The following GLG1 variants were observed in gnomAD, a reference collection of about 807,000 sequenced individuals.
GLG1 encodes the protein golgi glycoprotein 1, also known as Golgi apparatus protein 1.
Under a neutral mutation model 160.5 loss-of-function variants are expected in GLG1, and 38 were observed. That is an observed-to-expected ratio of 0.24 (90% confidence interval 0.18 to 0.31). The LOEUF (loss-of-function observed/expected upper bound fraction) is 0.31. GLG1 is among the 10% of genes least tolerant of loss of function. The probability of loss-of-function intolerance (pLI) is 1.00; values close to 1 mark genes in which losing one functional copy is unlikely to be tolerated. For missense variants in GLG1, 1,373 were observed against 1,505.2 expected, an observed-to-expected ratio of 0.91 and a Z score of 1.45; for synonymous variants, 644 against 543.4, an observed-to-expected ratio of 1.19 and a Z score of -2.57.
chr16:74,545,204 A>G (rs2143672504), intron 1 of GLG1, among the ~76,000 whole-genome samples: 1 of 152,078 alleles, frequency 6.6e-6, no homozygotes, highest in Middle Eastern at 3.4e-3. Flanking sequence ...TTGTTGAGAC[A>G]GGGTCTCGCT....
At chr16:74,548,651 C>T (rs1175672375) in intron 1 of GLG1, among the ~76,000 whole-genome samples, 2 of 94,602 alleles carry the variant, frequency 2.1e-5, no homozygotes, top group Non-Finnish European at 4.4e-5. Flanking sequence ...ATTTAAATCT[C>T]AATTCTCTAA....
chr16:74,508,965 A>T (rs1260071729), intron 2 of GLG1, 40 bp from the exon 3 acceptor site: 2 of 824,532 alleles, frequency 2.4e-6, no homozygotes, highest in Non-Finnish European at 4.1e-6. Flanking sequence ...GAAAAACTCC[A>T]GTTAGAACAG....
chr16:74,559,317 A>G (rs539885170), intron 1 of GLG1, among the ~76,000 whole-genome samples: 107 of 151,380 alleles, frequency 7.1e-4, no homozygotes, highest in African/African-American at 2.4e-3. Flanking sequence ...GTGGTGTGCA[A>G]CTGTAATCCA....
rs201693911 is a variant in GLG1 at position 74,529,809 on chromosome 16, G to GTTTTTTTTTTTT, written c.471+2311_471+2312insAAAAAAAAAAAA. On this transcript the variant is annotated intron_variant, in intron 2 of 25. Transcript: ENST00000422840. ...CTTCCTATTCCTTGGCTCTTTGAGA[G>GTTTTTTTTTTTT]TTCTTTTTTTTTTTTTTTTTTTTTT... 5.8e-5 allele frequency among the ~76,000 whole-genome samples: 6 copies of GTTTTTTTTTTTT among 104,104 alleles called. 1 individual carries two copies. The highest frequency in any genetic ancestry group is 3.7e-5 in the African/African-American group (1 of 27,080). 68.3% of individuals were successfully genotyped at this position (104,104 alleles called of 152,430 possible).
At chr16:74,549,213 C>T (rs888855911) in intron 1 of GLG1, among the ~76,000 whole-genome samples, 5 of 152,192 alleles carry the variant, frequency 3.3e-5, no homozygotes, top group South Asian at 2.1e-4. Flanking sequence ...GATATGACCA[C>T]AGTATGCTTT....
chr16:74,513,264 C>G (rs1597291960), intron 2 of GLG1, among the ~76,000 whole-genome samples: 1 of 152,082 alleles, frequency 6.6e-6, no homozygotes, highest in South Asian at 2.1e-4. Flanking sequence ...ATGGGATATA[C>G]TTGAGATACT....
At chr16:74,517,345 T>G (rs906432029) in intron 2 of GLG1, among the ~76,000 whole-genome samples, 3 of 152,160 alleles carry the variant, frequency 2.0e-5, no homozygotes, top group African/African-American at 7.2e-5. Context: ...AAAAAGCTTA[T>G]CCACCACCAT....
At chr16:74,592,515 C>T (rs1285160052) in intron 1 of GLG1, among the ~76,000 whole-genome samples, 1 of 152,012 alleles carries the variant, frequency 6.6e-6, no homozygotes, top group African/African-American at 2.4e-5. Flanking sequence ...TGAAGCATTC[C>T]AGTTTATTTC....
At chr16:74,526,569 C>G (rs2017340695) in intron 2 of GLG1, among the ~76,000 whole-genome samples, 1 of 150,594 alleles carries the variant, frequency 6.6e-6, no homozygotes, top group Non-Finnish European at 1.5e-5. Context: ...ACAAAAAATA[C>G]AAAAATTAGC....
chr16:74,568,292 G>T, intron 1 of GLG1, among the ~76,000 whole-genome samples: 1 of 152,128 alleles, frequency 6.6e-6, no homozygotes, highest in East Asian at 1.9e-4. Flanking sequence ...CCTGAAGCTA[G>T]TTTGGAAAGG....
intron 1 of GLG1, among the ~76,000 whole-genome samples, chr16:74,595,255 G>A (rs1958271858): frequency 6.7e-6 from 1 of 148,214 alleles, no homozygotes; most frequent in South Asian, 2.2e-4. Flanking sequence ...GTACTGAAGG[G>A]CTCTGGGTGT....
chr16:74,592,471 T>C (rs1958207599), intron 1 of GLG1, among the ~76,000 whole-genome samples: 1 of 152,154 alleles, frequency 6.6e-6, no homozygotes. Flanking sequence ...CAAAGCTTTA[T>C]GGAAGAAGCT....
At chr16:74,514,532 G>C (rs1004120867) in intron 2 of GLG1, among the ~76,000 whole-genome samples, 2 of 152,110 alleles carry the variant, frequency 1.3e-5, no homozygotes, top group Non-Finnish European at 2.9e-5. Flanking sequence ...TTCATATCCA[G>C]CCAAACTAAG....
At chr16:74,599,385 T>A (rs1338874693) in intron 1 of GLG1, among the ~76,000 whole-genome samples, 1 of 152,124 alleles carries the variant, frequency 6.6e-6, no homozygotes, top group African/African-American at 2.4e-5. Context: ...TTCCCACAGA[T>A]CACAAAATCA....
intron 3 of GLG1, among the ~76,000 whole-genome samples, chr16:74,506,274 A>G (rs2016598886): frequency 6.6e-6 from 1 of 151,760 alleles, no homozygotes; most frequent in Admixed American, 6.6e-5. Flanking sequence ...TTGAGCAACC[A>G]AAAGTTTTAA....
chr16:74,522,933 T>C (rs902168028), intron 2 of GLG1, among the ~76,000 whole-genome samples: 1 of 152,142 alleles, frequency 6.6e-6, no homozygotes, highest in Non-Finnish European at 1.5e-5. Flanking sequence ...GTCCTCTCAC[T>C]CTGGCCTCCC....
At chr16:74,475,436 A>G (rs912721025) in intron 12 of GLG1, among the ~76,000 whole-genome samples, 7 of 152,216 alleles carry the variant, frequency 4.6e-5, no homozygotes, top group Non-Finnish European at 7.3e-5. Context: ...CACAGGATAC[A>G]ACTGATAGCT....
At chr16:74,539,453 T>G (rs1319051958) in intron 1 of GLG1, among the ~76,000 whole-genome samples, 1 of 150,092 alleles carries the variant, frequency 6.7e-6, no homozygotes, top group South Asian at 2.1e-4. Context: ...ACTTGTCTTG[T>G]ACCTTTAAAA....
intron 2 of GLG1, among the ~76,000 whole-genome samples, chr16:74,528,906 T>C (rs2017434770): frequency 6.6e-6 from 1 of 151,684 alleles, no homozygotes; most frequent in Non-Finnish European, 1.5e-5. Flanking sequence ...ATGCCTCTCA[T>C]TAGATTTGGA....
Sources: allele counts gnomAD v4.1 joint callset (sites outside exome capture counted in the v4.1 genomes callset), GRCh38; gene constraint gnomAD v4.1.1; transcripts MANE v1.5; gene names NCBI Gene and HGNC (gene_info 2026-07-23, HGNC 2026-07-21).